The following VAV2 variants were observed in gnomAD, a reference collection of about 807,000 sequenced individuals.
VAV2 encodes vav guanine nucleotide exchange factor 2.
A neutral mutation model predicts 132.5 loss-of-function variants in VAV2; 67 were observed. That is an observed-to-expected ratio of 0.51 (90% CI 0.42 to 0.62). The LOEUF is 0.62. Among genes scored for constraint, VAV2 ranks in the 20% least tolerant of loss-of-function variants. The pLI is 0.00. For missense variants in VAV2, 938 were observed against 1,153.6 expected (o/e 0.81, Z 2.71); for synonymous variants, 492 against 443.5 (o/e 1.11, Z -1.37).
intron 1 of VAV2, among the ~76,000 whole-genome samples, chr9:133,978,743 C>T (rs1463678078): frequency 1.3e-5 from 2 of 152,250 alleles, no homozygotes; most frequent in African/African-American, 2.4e-5. Context: ...GGGGCGCAGC[C>T]GCTCAGTCTG....
chr9:133,842,679 T>G (rs1267433310), intron 3 of VAV2, among the ~76,000 whole-genome samples: 1 of 152,134 alleles, frequency 6.6e-6, no homozygotes, highest in Non-Finnish European at 1.5e-5. Flanking sequence ...AAATCAGGCT[T>G]TGGGAGGGCC....
intron 3 of VAV2, among the ~76,000 whole-genome samples, chr9:133,844,741 A>C (rs1305321757): frequency 6.6e-6 from 1 of 152,234 alleles, no homozygotes; most frequent in African/African-American, 2.4e-5. Context: ...GGGCAGAGAA[A>C]GGTGGACAGA....
At chr9:133,845,646 A>T (rs1039087839) in intron 3 of VAV2, among the ~76,000 whole-genome samples, 1 of 152,164 alleles carries the variant, frequency 6.6e-6, no homozygotes, top group Non-Finnish European at 1.5e-5. Flanking sequence ...ACGTTGGAGG[A>T]TCGGCTGTGA....
chr9:133,897,716 A>G (rs1245034809), intron 2 of VAV2, among the ~76,000 whole-genome samples: 6 of 152,174 alleles, frequency 3.9e-5, no homozygotes, highest in Admixed American at 2.6e-4. Flanking sequence ...AAGGCCAAAT[A>G]TGGAATTTCC....
chr9:133,784,383 TG>T lies in VAV2; in HGVS notation c.1567del (p.His523ThrfsTer46). On this transcript the variant is annotated frameshift_variant, in exon 18 of 30. Transcript: ENST00000371850. LOFTEE classifies it high-confidence loss of function. ...NIKPDKANAN[H>X]HSFQMYTFDK... Reference sequence around the variant, plus strand: ...AAACGTGTACATCTGGAAACTGTGGTGGTTGGCATTGGCTTTGTCTGGCTTG... The same window carrying T: ...AAACGTGTACATCTGGAAACTGTGGTGTTGGCATTGGCTTTGTCTGGCTTG... 1 of 1,614,132 alleles carries T rather than the reference TG, an allele frequency of 6.2e-7. No homozygotes were observed. Among genetic ancestry groups the T allele is most frequent in the Admixed American group, 1.7e-5 (1 of 60,018 alleles).
intron 2 of VAV2, among the ~76,000 whole-genome samples, chr9:133,936,751 C>A (rs1283184487): frequency 6.6e-6 from 1 of 152,184 alleles, no homozygotes; most frequent in Non-Finnish European, 1.5e-5. Flanking sequence ...ATTCCCAGCA[C>A]CCCACACCAT....
chr9:133,992,203 GC>G lies in VAV2; in HGVS notation c.75del (p.Trp25CysfsTer48), dbSNP rs1564531873. 6.3e-7 allele frequency: 1 copy of G among 1,597,250 alleles called. No individual in the cohort carries two copies. The highest frequency in any genetic ancestry group is 1.4e-5 in the African/African-American group (1 of 73,976). ...KVLPPNHRVV[W>X]PSAVVFDLAQ... ...GCCAGGTCGAAGACCACGGCCGAGG[GC>G]CACACCACCCGGTGGTTGGGCGGCA... On this transcript the variant is annotated frameshift_variant, in exon 1 of 30. Transcript: ENST00000371850. LOFTEE classifies it high-confidence loss of function. The surrounding 1 kb of genome is among the most constrained non-coding windows in gnomAD (Gnocchi z 5.5).
chr9:133,778,312 G>C (rs1209919263), intron 22 of VAV2, among the ~76,000 whole-genome samples: 1 of 152,174 alleles, frequency 6.6e-6, no homozygotes, highest in Non-Finnish European at 1.5e-5. Context: ...TGGGGAAGGA[G>C]CGAACCTGCC....
chr9:133,798,732 G>C (rs1834817730), intron 9 of VAV2, among the ~76,000 whole-genome samples: 1 of 152,238 alleles, frequency 6.6e-6, no homozygotes, highest in African/African-American at 2.4e-5. Context: ...GCTGCTGCCA[G>C]GTGCTCTGCC....
chr9:133,776,107 C>T (rs773009539), intron 23 of VAV2, 27 bp from the exon 24 acceptor site: 55 of 1,611,126 alleles, frequency 3.4e-5, no homozygotes, highest in Admixed American at 3.0e-4. Context: ...AGAGTGTTAA[C>T]GGCCCCCCAG....
intron 2 of VAV2, among the ~76,000 whole-genome samples, chr9:133,920,309 CCCACTGCACA>C (rs1840252031): frequency 1.3e-5 from 2 of 152,204 alleles, no homozygotes; most frequent in Admixed American, 1.3e-4. Flanking sequence ...CCTCAGTGTC[CCCACTGCACA>C]GCAGTGCAAG....
chr9:133,763,929 C>T lies in VAV2; in HGVS notation c.*133G>A. On this transcript the variant is annotated 3_prime_UTR_variant, in exon 30 of 30. Coordinates refer to ENST00000371850, the MANE Select transcript of VAV2 (RefSeq NM_001134398.2). The surrounding 1 kb of genome is among the most constrained non-coding windows in gnomAD (Gnocchi z 6.8). ...TCGAGTTTAGGATTCTCAACACCCTCCCTATCCCTGTGGGCAGTGGAAGAC... is the reference window on the plus strand; with the variant it reads ...TCGAGTTTAGGATTCTCAACACCCTTCCTATCCCTGTGGGCAGTGGAAGAC... 1.8e-6 allele frequency: 2 copies of T among 1,098,100 alleles called. No individual in the cohort carries two copies. The highest frequency in any genetic ancestry group is 2.7e-6 in the Non-Finnish European group (2 of 734,512). The allele number at this position is 1,098,100 out of a possible 1,614,324, so 68.0% of individuals were successfully genotyped here.
chr9:133,939,120 C>T lies in VAV2; in HGVS notation c.304G>A (p.Val102Met), dbSNP rs765350604. ...ELFDPFDLFD[V>M]RDFGKVISAV... ...CTGCTCACCTTTCCAAAGTCTCGCA[C>T]ATCGAAGAGGTCAAAGGGGTCAAAC... The change falls in exon 2 of 30, where the codon GTG (valine) becomes ATG (methionine). Residue 102 changes from valine (V) to methionine (M), a missense_variant. Coordinates refer to ENST00000371850, the MANE Select transcript of VAV2 (RefSeq NM_001134398.2). The T allele has an allele frequency of 6.2e-7, 1 of 1,614,204 alleles. No individual in the cohort carries two copies. The highest frequency in any genetic ancestry group is 1.1e-5 in the South Asian group (1 of 91,082).
chr9:133,950,568 G>C (rs1043115826), intron 1 of VAV2, among the ~76,000 whole-genome samples: 1 of 152,180 alleles, frequency 6.6e-6, no homozygotes, highest in Non-Finnish European at 1.5e-5. Flanking sequence ...TCAAACCAAA[G>C]GTTTTCTATA....
intron 29 of VAV2, among the ~76,000 whole-genome samples, chr9:133,765,579 T>A (rs1380638602): frequency 6.6e-6 from 1 of 152,156 alleles, no homozygotes; most frequent in Non-Finnish European, 1.5e-5. Context: ...ATATTCCAGA[T>A]TAAAGAGAGT....
chr9:133,818,474 C>A lies in VAV2; in HGVS notation c.450-6258G>T, dbSNP rs190112472. Among the ~76,000 whole-genome samples the A allele has an allele frequency of 5.3e-3, 809 of 152,260 alleles. 8 individuals carry two copies. The highest frequency in any genetic ancestry group is 0.018 in the African/African-American group (763 of 41,550). ...TCCTCCTGGGTGTCAGATCTTCAGA[C>A]TCCAGAACACACACCAGCACCTGCC... is the stretch of plus-strand genomic sequence containing the variant. On this transcript the variant is annotated intron_variant, in intron 4 of 29. Coordinates refer to ENST00000371850, the MANE Select transcript of VAV2 (RefSeq NM_001134398.2).
intron 2 of VAV2, among the ~76,000 whole-genome samples, chr9:133,929,744 C>T (rs573563406): frequency 7.9e-5 from 12 of 152,216 alleles, no homozygotes; most frequent in Middle Eastern, 6.8e-3. Flanking sequence ...TCATCCTGGA[C>T]GTAGTGATGC....
At chr9:133,932,048 A>G (rs780116928) in intron 2 of VAV2, among the ~76,000 whole-genome samples, 1 of 152,200 alleles carries the variant, frequency 6.6e-6, no homozygotes, top group Admixed American at 6.5e-5. Flanking sequence ...CGGAACTATC[A>G]TGATCTGCAG....
chr9:133,974,312 A>G (rs72764860), intron 1 of VAV2, among the ~76,000 whole-genome samples: 17,216 of 152,174 alleles, frequency 0.11, 1,110 homozygotes, highest in Non-Finnish European at 0.15. Context: ...TCCCTTGCAC[A>G]AGGGCCTAGA....
Sources: allele counts gnomAD v4.1 joint callset (sites outside exome capture counted in the v4.1 genomes callset), GRCh38; gene constraint gnomAD v4.1.1; non-coding constraint Gnocchi (gnomAD v3.1); transcripts MANE v1.5; gene names NCBI Gene and HGNC (gene_info 2026-07-23, HGNC 2026-07-21).